TBL1XR1: variants seen among roughly 807,000 people sequenced by gnomAD.
The protein encoded by TBL1XR1 is F-box-like/WD repeat-containing protein TBL1XR1.
A neutral mutation model predicts 66.9 loss-of-function variants in TBL1XR1; 5 were observed. The ratio of observed to expected loss-of-function variants is 0.07; its 90% CI spans 0.04 to 0.16. The LOEUF is 0.16. Among genes scored for constraint, TBL1XR1 ranks in the 10% least tolerant of loss-of-function variants. The pLI is 1.00. For synonymous variants in TBL1XR1, 210 were observed against 206.0 expected, an observed-to-expected ratio of 1.02 and a Z score of -0.17; for missense variants, 238 against 623.2, an observed-to-expected ratio of 0.38 and a Z score of 6.58.
At chr3:177,068,033 C>T (rs138866504) in intron 2 of TBL1XR1, among the ~76,000 whole-genome samples, 2 of 152,322 alleles carry the variant, frequency 1.3e-5, no homozygotes, top group East Asian at 1.9e-4. Flanking sequence ...AGCACTGAGA[C>T]ACTCATCCAG....
chr3:177,181,967 C>T (rs958946204), intron 1 of TBL1XR1, among the ~76,000 whole-genome samples: 3 of 152,154 alleles, frequency 2.0e-5, no homozygotes, highest in African/African-American at 4.8e-5. Flanking sequence ...AATCTTTTAC[C>T]CACATTTTGA....
At chr3:177,185,561 C>T (rs540474839) in intron 1 of TBL1XR1, among the ~76,000 whole-genome samples, 1 of 150,806 alleles carries the variant, frequency 6.6e-6, no homozygotes, top group East Asian at 1.9e-4. Flanking sequence ...GAGCCAAGAT[C>T]AACGCCATTG....
At chr3:177,109,042 G>A (rs979446911) in intron 1 of TBL1XR1, among the ~76,000 whole-genome samples, 1 of 152,084 alleles carries the variant, frequency 6.6e-6, no homozygotes, top group Non-Finnish European at 1.5e-5. Context: ...AGATGAAAAT[G>A]TTATTGTCAA....
At chr3:177,114,615 A>G (rs1456178973) in intron 1 of TBL1XR1, among the ~76,000 whole-genome samples, 1 of 152,088 alleles carries the variant, frequency 6.6e-6, no homozygotes, top group South Asian at 2.1e-4. Flanking sequence ...ATGTATTTCA[A>G]AAGATTTGTG....
At chr3:177,033,171 T>C in intron 13 of TBL1XR1, 35 bp from the exon 14 acceptor site, 1 of 1,485,064 alleles carries the variant, frequency 6.7e-7, no homozygotes, top group Non-Finnish European at 9.0e-7. Flanking sequence ...AATTTATAAG[T>C]AAGGAAATAC....
At chr3:177,175,929 C>A (rs926515821) in intron 1 of TBL1XR1, among the ~76,000 whole-genome samples, 4 of 151,210 alleles carry the variant, frequency 2.6e-5, no homozygotes, top group Non-Finnish European at 4.4e-5. Context: ...TGGTGGTGGG[C>A]GCCTGTAGTC....
At chr3:177,181,352 C>T (rs1295345251) in intron 1 of TBL1XR1, among the ~76,000 whole-genome samples, 2 of 151,792 alleles carry the variant, frequency 1.3e-5, no homozygotes, top group Non-Finnish European at 2.9e-5. Context: ...TGGTGGCACA[C>T]GCCTATAATC....
At chr3:177,196,174 C>G (rs1227583588) in intron 1 of TBL1XR1, among the ~76,000 whole-genome samples, 3 of 152,126 alleles carry the variant, frequency 2.0e-5, no homozygotes, top group Non-Finnish European at 4.4e-5. Context: ...ACATGCATGG[C>G]TTCCCTCGAG....
chr3:177,050,657 A>C lies in TBL1XR1; in HGVS notation c.428-47T>G, dbSNP rs920227781. On this transcript the variant is annotated intron_variant, in intron 5 of 15. Coordinates refer to ENST00000457928, the MANE Select transcript of TBL1XR1 (RefSeq NM_024665.7). Reference sequence around the variant, plus strand: ...AGCATTTCCAGTTAGGCAGTATTACAACATGGTGGATGGGTGATTTCTTAA... The same window carrying C: ...AGCATTTCCAGTTAGGCAGTATTACCACATGGTGGATGGGTGATTTCTTAA... 1.9e-6 allele frequency: 3 copies of C among 1,607,858 alleles called. No homozygotes were observed. The African/African-American group carries it at 4.0e-5, about 21-fold the overall frequency.
chr3:177,045,525 A>G (rs1716210343), intron 10 of TBL1XR1, among the ~76,000 whole-genome samples: 2 of 152,130 alleles, frequency 1.3e-5, no homozygotes, highest in African/African-American at 2.4e-5. Context: ...TAATCAGATA[A>G]AAGTACCACA....
At chr3:177,072,352 T>G (rs1171345969) in intron 2 of TBL1XR1, among the ~76,000 whole-genome samples, 3 of 152,138 alleles carry the variant, frequency 2.0e-5, no homozygotes, top group Admixed American at 2.0e-4. Context: ...TTCACTCCAT[T>G]GGCATTTGCA....
At chr3:177,052,537 A>G (rs190158883) in intron 4 of TBL1XR1, among the ~76,000 whole-genome samples, 1 of 152,354 alleles carries the variant, frequency 6.6e-6, no homozygotes, top group African/African-American at 2.4e-5. Context: ...ATAATTTTTA[A>G]GATACTAAAC....
intron 9 of TBL1XR1, 56 bp from the exon 10 acceptor site, chr3:177,046,245 T>A (rs1560112089): frequency 7.6e-7 from 1 of 1,318,476 alleles, no homozygotes; most frequent in Non-Finnish European, 1.0e-6. Flanking sequence ...AACATACATG[T>A]GTAAAGTATA....
At chr3:177,078,571 G>A (rs570690787) in intron 2 of TBL1XR1, 19 of 145,544 alleles carry the variant, frequency 1.3e-4, no homozygotes, top group African/African-American at 4.9e-4. Context: ...TGGGGCGAAA[G>A]AGTGAGACCC....
At chr3:177,044,684 T>C (rs1488780194) in intron 10 of TBL1XR1, among the ~76,000 whole-genome samples, 1 of 152,150 alleles carries the variant, frequency 6.6e-6, no homozygotes, top group African/African-American at 2.4e-5. Context: ...TAAAATTGTC[T>C]TAAAAACAAA....
chr3:177,093,861 A>G (rs1223735224), intron 2 of TBL1XR1, among the ~76,000 whole-genome samples: 1 of 152,224 alleles, frequency 6.6e-6, no homozygotes, highest in Non-Finnish European at 1.5e-5. Flanking sequence ...ACCTGAAACC[A>G]TAAGAATTCC....
At chr3:177,197,061 C>A (rs1306363812) in intron 1 of TBL1XR1, 60 bp downstream of exon 1, 2 of 151,840 alleles carry the variant, frequency 1.3e-5, no homozygotes, top group Non-Finnish European at 2.9e-5. Context: ...GCCTCTGGCC[C>A]GCGCCCCCCG....
intron 2 of TBL1XR1, among the ~76,000 whole-genome samples, chr3:177,094,115 TCAAA>T (rs1468678305): frequency 3.3e-5 from 5 of 151,668 alleles, no homozygotes; most frequent in Non-Finnish European, 7.4e-5. Context: ...TACAAGGAAC[TCAAA>T]CAAAGCAGCA....
intron 15 of TBL1XR1, 114 bp downstream of exon 15, chr3:177,026,259 T>G: frequency 1.2e-6 from 1 of 821,148 alleles, no homozygotes; most frequent in South Asian, 1.8e-5. Flanking sequence ...AAAAAATCAG[T>G]ATCATACCTT....
Sources: allele counts gnomAD v4.1 joint callset (sites outside exome capture counted in the v4.1 genomes callset), GRCh38; gene constraint gnomAD v4.1.1; transcripts MANE v1.5; gene names NCBI Gene and HGNC (gene_info 2026-07-23, HGNC 2026-07-21).